Variants in RPGRIP1L observed in about 807,000 individuals in gnomAD.
RPGRIP1L encodes protein fantom.
Under a neutral mutation model 160.4 loss-of-function variants are expected in RPGRIP1L, and 131 were observed. The observed-to-expected ratio is 0.82, with a 90% CI of 0.71 to 0.94. The LOEUF is 0.94. RPGRIP1L is among the 40% of genes least tolerant of loss of function. The pLI is 0.00. For missense variants in RPGRIP1L, 1,522 were observed against 1,535.8 expected (o/e 0.99, Z 0.15); for synonymous variants, 510 against 515.8 (o/e 0.99, Z 0.15).
chr16:53,671,589 A>G lies in RPGRIP1L; in HGVS notation c.1030-6T>C, dbSNP rs1179940479. ...TCATTAATTCTATCCTGCAGCTAAAATGAAAATAAAATTACATATTAAGTA... is the reference window on the plus strand; with the variant it reads ...TCATTAATTCTATCCTGCAGCTAAAGTGAAAATAAAATTACATATTAAGTA... On this transcript the variant is annotated splice_polypyrimidine_tract_variant and splice_region_variant and intron_variant, in intron 8 of 26. Transcript: ENST00000647211. 1 of 1,457,142 alleles carries G rather than the reference A, an allele frequency of 6.9e-7. No individual in the cohort carries two copies. Among genetic ancestry groups the G allele is most frequent in the African/African-American group, 1.4e-5 (1 of 71,834 alleles). The allele number at this position is 1,457,142 out of a possible 1,614,324, so 90.3% of individuals were successfully genotyped here. A position where few individuals can be genotyped will look rare whatever the true frequency, so the allele number is the denominator to read the frequency against.
At position 53,672,989 on chromosome 16, in the gene RPGRIP1L, C is replaced by T. The variant is rs530772984; in HGVS notation, c.910G>A (p.Asp304Asn). The T allele has an allele frequency of 5.0e-5, 81 of 1,613,154 alleles. No homozygotes were observed. In the East Asian group the frequency reaches 7.1e-4, roughly 14 times the overall value. The change falls in exon 8 of 27, where the codon GAT becomes AAT. Residue 304 changes from aspartate (D) to asparagine (N), a missense_variant. Physicochemically the swap from Asp to Asn is conservative, Grantham distance 23. Transcript: ENST00000647211. ...EKQRTLRISH[D>N]ALMANGDELN... Reference sequence around the variant, plus strand: ...TCATCCCCATTTGCCATCAAAGCATCGTGGCTGATTCTGAGAGTTCTTTGC... The same window carrying T: ...TCATCCCCATTTGCCATCAAAGCATTGTGGCTGATTCTGAGAGTTCTTTGC...
chr16:53,689,808 C>G (rs1301179639), intron 4 of RPGRIP1L, among the ~76,000 whole-genome samples: 1 of 152,192 alleles, frequency 6.6e-6, no homozygotes, highest in Non-Finnish European at 1.5e-5. Context: ...GTATTCATCA[C>G]TACTTAATGC....
chr16:53,631,727 C>A (rs561667091), intron 22 of RPGRIP1L, among the ~76,000 whole-genome samples: 1 of 152,228 alleles, frequency 6.6e-6, no homozygotes, highest in Non-Finnish European at 1.5e-5. Context: ...AGAATTCTGT[C>A]CCCCCACACT....
chr16:53,679,264 T>C (rs1969432014), intron 6 of RPGRIP1L, among the ~76,000 whole-genome samples: 1 of 152,086 alleles, frequency 6.6e-6, no homozygotes, highest in Admixed American at 6.5e-5. Flanking sequence ...TCACACTCAG[T>C]GGAAGGGTAC....
chr16:53,679,888 G>A (rs999271534), intron 6 of RPGRIP1L, among the ~76,000 whole-genome samples: 2 of 152,158 alleles, frequency 1.3e-5, no homozygotes, highest in Non-Finnish European at 2.9e-5. Flanking sequence ...TACAGTTCAG[G>A]TGGTTAACTG....
In RPGRIP1L at chr16:53,662,518, A is replaced by G. The variant is rs1967891246; in HGVS notation, c.1243+2352T>C. Among the ~76,000 whole-genome samples the G allele has an allele frequency of 2.0e-5, 3 of 152,144 alleles. No homozygotes were observed. In the South Asian group the frequency reaches 6.2e-4, roughly 31 times the overall value. On this transcript the variant is annotated intron_variant, in intron 10 of 26. Transcript: ENST00000647211. The stretch of plus-strand genomic sequence containing the variant: ...TCTTCTGGCAAAGAACACTTGATAC[A>G]TGAGAAGGTAAATGTATGAAGACAC...
At chr16:53,636,389 G>T in intron 22 of RPGRIP1L, 50 bp downstream of exon 22, 1 of 1,277,256 alleles carries the variant, frequency 7.8e-7, no homozygotes, top group Non-Finnish European at 1.1e-6. Flanking sequence ...TACTGTGAAT[G>T]AAAGGCAGCC....
At chr16:53,687,784 T>A in intron 5 of RPGRIP1L, 79 bp downstream of exon 5, 2 of 873,582 alleles carry the variant, frequency 2.3e-6, no homozygotes, top group Non-Finnish European at 1.9e-6. Context: ...TACATATAAA[T>A]AAAGGAAAGG....
chr16:53,636,970 A>C (rs1275557023), intron 21 of RPGRIP1L, among the ~76,000 whole-genome samples: 1 of 127,840 alleles, frequency 7.8e-6, no homozygotes, highest in Non-Finnish European at 1.7e-5. Flanking sequence ...ACACACACAC[A>C]CACACACACA....
intron 15 of RPGRIP1L, among the ~76,000 whole-genome samples, chr16:53,651,827 C>T (rs9928935): frequency 0.39 from 59,706 of 151,940 alleles, 13,701 homozygotes; most frequent in African/African-American, 0.63. Context: ...TGCCTACTAA[C>T]AGTGATAACA....
rs145083337 is a variant in RPGRIP1L, at chr16:53,695,371, C to A, written c.230+780G>T. 1.0e-3 allele frequency: 722 copies of A among 702,968 alleles called. 8 individuals carry two copies. Among genetic ancestry groups the A allele is most frequent in the African/African-American group, 0.01 (577 of 57,358 alleles). 43.5% of individuals were successfully genotyped at this position (702,968 alleles called of 1,614,324 possible). A position where few individuals can be genotyped will look rare whatever the true frequency, so the allele number is the denominator to read the frequency against. On this transcript the variant is annotated intron_variant, in intron 3 of 26. Coordinates refer to ENST00000647211, the MANE Select transcript of RPGRIP1L (RefSeq NM_015272.5). ...GTTGTTGAAGTCCACAGAGTAGAAACTGAACTGGAACCACCTCCTTAGGAT... is the reference window on the plus strand; with the variant it reads ...GTTGTTGAAGTCCACAGAGTAGAAAATGAACTGGAACCACCTCCTTAGGAT...
intron 16 of RPGRIP1L, among the ~76,000 whole-genome samples, chr16:53,646,212 C>T (rs1966535505): frequency 6.6e-6 from 1 of 152,022 alleles, no homozygotes; most frequent in Non-Finnish European, 1.5e-5. Flanking sequence ...TAGCAATAAA[C>T]CTTGGAGACT....
intron 9 of RPGRIP1L, among the ~76,000 whole-genome samples, chr16:53,667,427 T>C (rs959717257): frequency 1.3e-5 from 2 of 152,192 alleles, no homozygotes; most frequent in Non-Finnish European, 1.5e-5. Flanking sequence ...AAGAATATAC[T>C]CTAAATCATC....
intron 3 of RPGRIP1L, chr16:53,694,952 G>C (rs534747338): frequency 5.5e-6 from 1 of 180,790 alleles, no homozygotes; most frequent in African/African-American, 2.3e-5. Flanking sequence ...AAAGTAAAAC[G>C]AACTTTCAGG....
At chr16:53,653,743 T>G (rs1967002674) in intron 14 of RPGRIP1L, among the ~76,000 whole-genome samples, 1 of 152,214 alleles carries the variant, frequency 6.6e-6, no homozygotes, top group South Asian at 2.1e-4. Context: ...TTTCTGGGCT[T>G]CTGTTTTTAA....
chr16:53,622,655 C>T (rs1964808070), intron 22 of RPGRIP1L, among the ~76,000 whole-genome samples: 1 of 151,858 alleles, frequency 6.6e-6, no homozygotes, highest in African/African-American at 2.4e-5. Flanking sequence ...GGTGCAGTGG[C>T]TCATGCTTGT....
At chr16:53,658,269 A>G (rs1967441377) in intron 12 of RPGRIP1L, 145 bp downstream of exon 12, 1 of 723,900 alleles carries the variant, frequency 1.4e-6, no homozygotes. Context: ...GACATGTTAC[A>G]TACATATTTG....
Position 53,664,960 on chromosome 16 carries a change from G to A in RPGRIP1L, c.1153C>T (p.Leu385=). Residue 385 remains leucine (L), a synonymous_variant, in exon 10 of 27, where the codon CTG becomes TTG. Coordinates refer to ENST00000647211, the MANE Select transcript of RPGRIP1L (RefSeq NM_015272.5). ...EEQWKLKEQQ[L]KVQIAQLETA... ...TCGAGCTGAGCAATCTGCACTTTCAGCTGTTGCTCCTTTAACTTCCATTGC... is the reference window on the plus strand; with the variant it reads ...TCGAGCTGAGCAATCTGCACTTTCAACTGTTGCTCCTTTAACTTCCATTGC... The A allele has an allele frequency of 2.5e-6, 4 of 1,613,570 alleles. No homozygotes were observed. Among genetic ancestry groups the A allele is most frequent in the Non-Finnish European group, 3.4e-6 (4 of 1,179,868 alleles).
At chr16:53,690,118 T>C (rs1218088874) in intron 4 of RPGRIP1L, among the ~76,000 whole-genome samples, 1 of 152,214 alleles carries the variant, frequency 6.6e-6, no homozygotes. Context: ...GCATGAATAA[T>C]ACAGAAACAA....
Sources: allele counts gnomAD v4.1 joint callset (sites outside exome capture counted in the v4.1 genomes callset), GRCh38; gene constraint gnomAD v4.1.1; transcripts MANE v1.5; gene names NCBI Gene and HGNC (gene_info 2026-07-23, HGNC 2026-07-21).